Variants in EPB41L3 observed in about 807,000 individuals in gnomAD.
EPB41L3 encodes band 4.1-like protein 3.
EPB41L3 carries 57 observed loss-of-function variants against 127.1 expected under a neutral mutation model. The observed-to-expected ratio is 0.45, with a 90% CI of 0.36 to 0.56. The LOEUF (loss-of-function observed/expected upper bound fraction) is 0.56. Ranked by LOEUF, EPB41L3 falls within the 20% of genes least tolerant of loss-of-function variation. EPB41L3 has a pLI of 0.00. For missense variants in EPB41L3, 1,273 were observed against 1,372.2 expected, an observed-to-expected ratio of 0.93 and a Z score of 1.14; for synonymous variants, 572 against 549.5, an observed-to-expected ratio of 1.04 and a Z score of -0.57.
intron 12 of EPB41L3, among the ~76,000 whole-genome samples, chr18:5,417,756 A>C (rs1427955152): frequency 1.3e-5 from 2 of 152,234 alleles, no homozygotes; most frequent in African/African-American, 2.4e-5. Context: ...TTTTACGATG[A>C]GAGAAGTATG....
At chr18:5,529,928 A>ATGTGTGTGTGTGTGTGTGTGTGTG (rs10611279) in intron 1 of EPB41L3, among the ~76,000 whole-genome samples, 5 of 146,884 alleles carry the variant, frequency 3.4e-5, no homozygotes, top group African/African-American at 1.3e-4. Flanking sequence ...CAACTCATAT[A>ATGTGTGTGTGTGTGTGTGTGTGTG]TGTGTGTGTG....
chr18:5,493,750 T>C (rs2090863992), intron 1 of EPB41L3, among the ~76,000 whole-genome samples: 1 of 152,090 alleles, frequency 6.6e-6, no homozygotes, highest in Admixed American at 6.6e-5. Context: ...TGTCACCACA[T>C]CCTCCCACTC....
intron 3 of EPB41L3, among the ~76,000 whole-genome samples, chr18:5,566,234 A>G (rs1401204003): frequency 6.6e-6 from 1 of 152,160 alleles, no homozygotes; most frequent in East Asian, 1.9e-4. Context: ...TCAGCCCAAA[A>G]TCTCCTTAAG....
intron 3 of EPB41L3, among the ~76,000 whole-genome samples, chr18:5,569,054 T>C (rs897939125): frequency 2.0e-5 from 3 of 152,242 alleles, no homozygotes; most frequent in African/African-American, 4.8e-5. Context: ...GATTGGACAA[T>C]GTTTCCTTCA....
At position 5,416,195 on chromosome 18, in the gene EPB41L3, G is replaced by C. The variant is rs1568060703; in HGVS notation, c.1690C>G (p.Pro564Ala). ...GCCACATCTTGATCCCCTAGGTAAGGCCTCCCTGGGCCATCAGAGTCCAAG... is the reference window on the plus strand; with the variant it reads ...GCCACATCTTGATCCCCTAGGTAAGCCCTCCCTGGGCCATCAGAGTCCAAG... ...PALDSDGPGR[P>A]YLGDQDVAFS... The change falls in exon 13 of 23, where the codon CCT becomes GCT. Residue 564 changes from proline (P) to alanine (A), a missense_variant. Around this residue, in one of 3 missense-constraint regions of EPB41L3, gnomAD observed 765 missense variants for 782.9 expected, o/e 0.98. Transcript: ENST00000341928. 4 of 1,614,156 alleles carry C rather than the reference G, an allele frequency of 2.5e-6. No individual in the cohort carries two copies. Among genetic ancestry groups the C allele is most frequent in the East Asian group, 2.2e-5 (1 of 44,870 alleles).
intron 1 of EPB41L3, among the ~76,000 whole-genome samples, chr18:5,623,105 C>T (rs2094883652): frequency 6.6e-6 from 1 of 151,862 alleles, no homozygotes; most frequent in Admixed American, 6.6e-5. Context: ...TTTCTATTTG[C>T]CAGTGAGAAA....
chr18:5,406,980 A>G lies in EPB41L3; in HGVS notation c.2158-12T>C, dbSNP rs762101547. 2 of 1,610,382 alleles carry G rather than the reference A, an allele frequency of 1.2e-6. No homozygotes were observed. The highest frequency in any genetic ancestry group is 8.5e-7 in the Non-Finnish European group (1 of 1,176,578). On this transcript the variant is annotated splice_polypyrimidine_tract_variant and intron_variant, in intron 15 of 22. Transcript: ENST00000341928. ...GTTTTTTCTAGCTCCTATATTCAGA[A>G]CATAAAGTATCCAACAGTCAATGTT...
chr18:5,460,189 T>TA (rs2083746552), intron 3 of EPB41L3, among the ~76,000 whole-genome samples: 1 of 152,228 alleles, frequency 6.6e-6, no homozygotes, highest in Admixed American at 6.5e-5. Context: ...TTGCTGAGGA[T>TA]AATCACTGGC....
intron 3 of EPB41L3, among the ~76,000 whole-genome samples, chr18:5,461,877 G>A (rs928140069): frequency 1.3e-5 from 2 of 152,094 alleles, no homozygotes; most frequent in Non-Finnish European, 2.9e-5. Context: ...AAAAGCTTAA[G>A]GTGCATTGGC....
intron 16 of EPB41L3, chr18:5,400,474 A>G (rs1567984823): frequency 4.4e-6 from 2 of 455,610 alleles, no homozygotes; most frequent in Non-Finnish European, 8.8e-6. Flanking sequence ...GCTAGATTAA[A>G]TGAAATGAAT....
At chr18:5,434,225 A>G (rs1180129472) in intron 6 of EPB41L3, 104 bp from the exon 7 acceptor site, 3 of 797,582 alleles carry the variant, frequency 3.8e-6, no homozygotes, top group Admixed American at 2.3e-5. Context: ...CCTGTAGAAC[A>G]GCCTCTCTAG....
chr18:5,572,042 A>C (rs7236818), intron 3 of EPB41L3, among the ~76,000 whole-genome samples: 2 of 152,190 alleles, frequency 1.3e-5, no homozygotes, highest in African/African-American at 4.8e-5. Flanking sequence ...GTAAATAACC[A>C]TATATTGATG....
intron 1 of EPB41L3, among the ~76,000 whole-genome samples, chr18:5,626,877 A>G (rs1054482710): frequency 1.3e-5 from 2 of 152,168 alleles, no homozygotes; most frequent in East Asian, 3.8e-4. Context: ...GAGAATAGGT[A>G]ATTTGGGATT....
intron 3 of EPB41L3, among the ~76,000 whole-genome samples, chr18:5,584,032 C>T (rs918535491): frequency 6.6e-6 from 1 of 152,098 alleles, no homozygotes; most frequent in African/African-American, 2.4e-5. Context: ...GGTCTCGAAC[C>T]CTCAACCTCA....
At chr18:5,447,448 CTTTTTTTT>C (rs10694622) in intron 3 of EPB41L3, among the ~76,000 whole-genome samples, 16 of 114,130 alleles carry the variant, frequency 1.4e-4, no homozygotes, top group African/African-American at 4.9e-4. Flanking sequence ...AGCTAGACTA[CTTTTTTTT>C]TTTTTTTTTT....
chr18:5,509,938 G>A (rs961117241), intron 1 of EPB41L3, among the ~76,000 whole-genome samples: 1 of 152,134 alleles, frequency 6.6e-6, no homozygotes, highest in Non-Finnish European at 1.5e-5. Flanking sequence ...ACTAGAGCCA[G>A]GTTGGGAAGA....
upstream of EPB41L3, chr18:5,544,197 C>T (rs2093835839): frequency 1.0e-6 from 1 of 985,430 alleles, no homozygotes; most frequent in African/African-American, 1.7e-5. Context: ...GTTACATGGG[C>T]ACAGCCTCCT....
At chr18:5,487,790 G>GA (rs200148406) in intron 2 of EPB41L3, among the ~76,000 whole-genome samples, 7,416 of 124,154 alleles carry the variant, frequency 0.06, 382 homozygotes, top group African/African-American at 0.16. Flanking sequence ...GTATAAAATT[G>GA]AAAAAAAAAA....
intron 5 of EPB41L3, among the ~76,000 whole-genome samples, chr18:5,441,715 C>T (rs1486714829): frequency 3.3e-5 from 5 of 152,106 alleles, no homozygotes; most frequent in East Asian, 3.9e-4. Context: ...CCGCCCGTCT[C>T]GGCCTCCCAA....
Sources: gnomAD v4.1 joint callset for allele counts (sites outside exome capture counted in the v4.1 genomes callset) on GRCh38, gnomAD v4.1.1 for gene constraint, gnomAD v4.1.1 regional missense constraint, MANE v1.5 for transcripts, NCBI Gene and HGNC (gene_info 2026-07-23, HGNC 2026-07-21) for gene names.